TRAP1: variants seen among roughly 807,000 people sequenced by gnomAD.
TRAP1 encodes heat shock protein 75 kDa, mitochondrial.
A neutral mutation model predicts 89.1 loss-of-function variants in TRAP1; 102 were observed. That is an observed-to-expected ratio of 1.15 (90% CI 0.98 to 1.35). The LOEUF (loss-of-function observed/expected upper bound fraction) is 1.35. Among genes scored for constraint, TRAP1 ranks in the 40% most tolerant of loss-of-function variants. The pLI, the probability that TRAP1 is intolerant of heterozygous loss-of-function variation, is 0.00. For synonymous variants in TRAP1, 508 were observed against 388.0 expected (o/e 1.31, Z -3.64); for missense variants, 1,256 against 945.3 (o/e 1.33, Z -4.31).
intron 1 of TRAP1, among the ~76,000 whole-genome samples, chr16:3,705,238 GT>G (rs1160304761): frequency 1.3e-5 from 2 of 151,386 alleles, no homozygotes; most frequent in Non-Finnish European, 2.9e-5. Context: ...CTAATTTTTT[GT>G]ATTTTTTTTT....
At chr16:3,700,010 G>C (rs770889106) in intron 1 of TRAP1, among the ~76,000 whole-genome samples, 1 of 151,774 alleles carries the variant, frequency 6.6e-6, no homozygotes, top group Non-Finnish European at 1.5e-5. Context: ...CTATATGCCA[G>C]CATATGACAT....
chr16:3,673,783 A>C (rs2050948525), intron 9 of TRAP1, among the ~76,000 whole-genome samples: 2 of 152,194 alleles, frequency 1.3e-5, no homozygotes, highest in Non-Finnish European at 2.9e-5. Flanking sequence ...AGGTCTCCTT[A>C]CGGCAGGATT....
rs2050956770 is a variant in TRAP1 at position 3,674,339 on chromosome 16, C to T, written c.1044G>A (p.Met348Ile). 1.2e-6 allele frequency: 2 copies of T among 1,613,742 alleles called. No individual in the cohort carries two copies. The highest frequency in any genetic ancestry group is 1.7e-6 in the Non-Finnish European group (2 of 1,179,946). Residue 348 changes from methionine to isoleucine, a missense_variant and splice_region_variant, in exon 9 of 18, where the codon ATG becomes ATA. Coordinates refer to ENST00000246957, the MANE Select transcript of TRAP1 (RefSeq NM_016292.3). ...CCGTGGGACTGCCACAGTGCCTCAC[C>T]ATGTCGGGCACGTAGAAGATGCTGC... is the stretch of plus-strand genomic sequence containing the variant. ...NIRSIFYVPD[M>I]KPSMFDVSRE...
chr16:3,708,400 A>G (rs1317294520), intron 1 of TRAP1, among the ~76,000 whole-genome samples: 6 of 152,124 alleles, frequency 3.9e-5, no homozygotes, highest in Non-Finnish European at 7.4e-5. Context: ...ACACTTTGGG[A>G]GGCTGAGGCG....
intron 15 of TRAP1, 126 bp downstream of exon 15, chr16:3,662,756 C>G (rs1468299438): frequency 1.1e-5 from 10 of 883,790 alleles, no homozygotes; most frequent in South Asian, 5.5e-5. Context: ...GGGTCTCCAC[C>G]TGACACCAAG....
At chr16:3,679,681 A>G in intron 5 of TRAP1, 38 bp downstream of exon 5, 1 of 1,611,106 alleles carries the variant, frequency 6.2e-7, no homozygotes, top group Non-Finnish European at 8.5e-7. Flanking sequence ...TTGCACCCTG[A>G]GGGGAAGGGG....
intron 11 of TRAP1, among the ~76,000 whole-genome samples, chr16:3,669,716 C>G (rs2050885082): frequency 6.6e-6 from 1 of 151,372 alleles, no homozygotes; most frequent in Non-Finnish European, 1.5e-5. Flanking sequence ...TGCCTGTATC[C>G]CAGCTACTCG....
intron 1 of TRAP1, among the ~76,000 whole-genome samples, chr16:3,698,388 G>A (rs1567241473): frequency 6.6e-6 from 1 of 150,756 alleles, no homozygotes; most frequent in African/African-American, 2.4e-5. Flanking sequence ...TCGGCTCACT[G>A]CAAGCTCCGC....
chr16:3,667,392 G>A (rs1293161837), intron 11 of TRAP1, among the ~76,000 whole-genome samples: 1 of 152,064 alleles, frequency 6.6e-6, no homozygotes, highest in Non-Finnish European at 1.5e-5. Flanking sequence ...GGGAGGCTGA[G>A]GCGGGCGGAT....
chr16:3,709,941 C>T (rs1443963841), intron 1 of TRAP1, among the ~76,000 whole-genome samples: 3 of 152,170 alleles, frequency 2.0e-5, no homozygotes, highest in Admixed American at 2.0e-4. Context: ...TGAGCCACCG[C>T]GCCTGGCGAG....
rs867764907 is a variant in TRAP1, at chr16:3,664,200, G to A, written c.1569+74C>T. 4.9e-6 allele frequency: 7 copies of A among 1,430,416 alleles called. 1 individual carries two copies. The Middle Eastern group carries it at 1.3e-3, about 255-fold the overall frequency. The allele number at this position is 1,430,416 out of a possible 1,614,324, so 88.6% of individuals were successfully genotyped here. ...CCGGAGTCTTGGGCAGGTTCACCCA[G>A]CACAGAGCTGAGAAGGTCAAGACCC... On this transcript the variant is annotated intron_variant, in intron 13 of 17. Transcript: ENST00000246957.
chr16:3,682,039 AG>A (rs1296143987), intron 4 of TRAP1, among the ~76,000 whole-genome samples: 1 of 152,228 alleles, frequency 6.6e-6, no homozygotes, highest in Non-Finnish European at 1.5e-5. Context: ...AACAGAGCAC[AG>A]GAACAGAGAT....
chr16:3,688,389 C>T (rs942854958), intron 3 of TRAP1, among the ~76,000 whole-genome samples: 1 of 152,184 alleles, frequency 6.6e-6, no homozygotes, highest in Non-Finnish European at 1.5e-5. Flanking sequence ...CCAAAGCCGC[C>T]AAGACCTGCA....
At chr16:3,697,434 G>A (rs12921414) in intron 1 of TRAP1, among the ~76,000 whole-genome samples, 29,496 of 151,836 alleles carry the variant, frequency 0.19, 3,009 homozygotes, top group East Asian at 0.36. Context: ...GGAGGCCGAG[G>A]CGGGAGGATC....
At chr16:3,688,160 G>A (rs1244924142) in intron 3 of TRAP1, among the ~76,000 whole-genome samples, 1 of 151,598 alleles carries the variant, frequency 6.6e-6, no homozygotes, top group Non-Finnish European at 1.5e-5. Flanking sequence ...CACCCCAAAT[G>A]AGTTTTGCGG....
intron 3 of TRAP1, among the ~76,000 whole-genome samples, chr16:3,687,779 C>T (rs978999875): frequency 4.0e-4 from 58 of 144,518 alleles, no homozygotes; most frequent in African/African-American, 1.4e-3. Context: ...GCTCAGGAGG[C>T]GGAGGTTGCA....
chr16:3,684,798 A>G (rs933698525), intron 4 of TRAP1, among the ~76,000 whole-genome samples: 6 of 152,184 alleles, frequency 3.9e-5, no homozygotes, highest in African/African-American at 1.4e-4. Context: ...TCCAAAAAAA[A>G]GGAAAAAAGA....
rs78633244 is a variant in TRAP1, at chr16:3,696,200, G to C, written c.89-5215C>G. On this transcript the variant is annotated intron_variant, in intron 1 of 17. Transcript: ENST00000246957. ...CTACCTGGCAGCCAGATCTTGGTTT[G>C]TGAATACCTCTCTCCAAAAACAGGA... 4.2e-3 allele frequency among the ~76,000 whole-genome samples: 644 copies of C among 152,242 alleles called. 2 individuals carry two copies. Among genetic ancestry groups the C allele is most frequent in the Non-Finnish European group, 7.6e-3 (519 of 68,018 alleles).
At chr16:3,691,813 A>G (rs2051218011) in intron 1 of TRAP1, among the ~76,000 whole-genome samples, 1 of 152,188 alleles carries the variant, frequency 6.6e-6, no homozygotes, top group Admixed American at 6.5e-5. Context: ...AAAACTGAAA[A>G]ACAGCTGACG....
Sources: allele counts gnomAD v4.1 joint callset (sites outside exome capture counted in the v4.1 genomes callset), GRCh38; gene constraint gnomAD v4.1.1; transcripts MANE v1.5; gene names NCBI Gene and HGNC (gene_info 2026-07-23, HGNC 2026-07-21).